The following CSF2RB variants were observed in gnomAD, a reference collection of about 807,000 sequenced individuals.
The protein encoded by CSF2RB is cytokine receptor common subunit beta.
In CSF2RB, 22 loss-of-function variants were observed where a neutral mutation model predicts 67.2. The observed-to-expected ratio is 0.33, with a 90% CI of 0.23 to 0.47. The LOEUF (loss-of-function observed/expected upper bound fraction) is 0.47. Among genes scored for constraint, CSF2RB ranks in the 20% least tolerant of loss-of-function variants. The probability of loss-of-function intolerance (pLI) is 1.00; values close to 1 mark genes in which losing one functional copy is unlikely to be tolerated. For missense variants in CSF2RB, 1,113 were observed against 1,174.5 expected (o/e 0.95, Z 0.76); for synonymous variants, 507 against 482.9 (o/e 1.05, Z -0.65).
Position 36,922,039 on chromosome 22 carries a change from T to C in CSF2RB, c.-169T>C. 1 of 638,762 alleles carries C rather than the reference T, an allele frequency of 1.6e-6. No individual in the cohort carries two copies. Among genetic ancestry groups the C allele is most frequent in the East Asian group, 2.7e-5 (1 of 36,382 alleles). 39.6% of individuals were successfully genotyped at this position (638,762 alleles called of 1,614,324 possible). On this transcript the variant is annotated 5_prime_UTR_variant, in exon 2 of 14. Transcript: ENST00000403662. ...CTGCTGACATCTCCTTCTGCAGGCC[T>C]GGAGGAGGCAGAGGCCAGGAGGGAG...
At chr22:36,931,342 A>G (rs1001255355) in intron 8 of CSF2RB, among the ~76,000 whole-genome samples, 1 of 152,246 alleles carries the variant, frequency 6.6e-6, no homozygotes, top group Non-Finnish European at 1.5e-5. Context: ...ACGTTGTTTC[A>G]TGATGACCAA....
chr22:36,931,898 C>A (rs992968986), intron 8 of CSF2RB, among the ~76,000 whole-genome samples: 21 of 152,186 alleles, frequency 1.4e-4, no homozygotes, highest in Admixed American at 9.2e-4. Flanking sequence ...GTGTGAATGT[C>A]CTGGCCTTTA....
chr22:36,930,689 C>G lies in CSF2RB; in HGVS notation c.871C>G (p.Pro291Ala). Residue 291 changes from proline (P) to alanine (A), a missense_variant, in exon 8 of 14, where the codon CCA (proline) becomes GCA (alanine). Coordinates refer to ENST00000403662, the MANE Select transcript of CSF2RB (RefSeq NM_000395.3). ...GCTCCTCAGGGAGGAAGAGTGCTCC[C>G]CAGTGCTGAGGGAGGGGCTCGGCAG... Reference protein sequence around the residue: ...SPDAGEEECSPVLREGLGSLH... With the variant: ...SPDAGEEECSAVLREGLGSLH... 1 of 1,612,892 alleles carries G rather than the reference C, an allele frequency of 6.2e-7. No homozygotes were observed. The highest frequency in any genetic ancestry group is 8.5e-7 in the Non-Finnish European group (1 of 1,180,030).
intron 2 of CSF2RB, chr22:36,922,654 G>A (rs1940905526): frequency 5.0e-6 from 2 of 402,330 alleles, no homozygotes; most frequent in African/African-American, 2.0e-5. Context: ...GCCTTGGCTG[G>A]GGTTCTCTCC....
At chr22:36,917,877 C>G (rs535546936) in intron 1 of CSF2RB, among the ~76,000 whole-genome samples, 1 of 151,988 alleles carries the variant, frequency 6.6e-6, no homozygotes, top group Non-Finnish European at 1.5e-5. Flanking sequence ...GAGCCGAGAT[C>G]ATGCCATTGC....
chr22:36,939,635 T>G lies in CSF2RB; in HGVS notation c.*1133T>G. ...TAGGTATCTTAGGCATCGATTGGTA[T>G]TTTTTAACTGGGCCAAGCCCATTAA... On this transcript the variant is annotated 3_prime_UTR_variant, in exon 14 of 14. Coordinates refer to ENST00000403662, the MANE Select transcript of CSF2RB (RefSeq NM_000395.3). 1 of 194,138 alleles carries G rather than the reference T, an allele frequency of 5.2e-6. No individual in the cohort carries two copies. The allele number at this position is 194,138 out of a possible 1,614,324, so 12.0% of individuals were successfully genotyped here.
chr22:36,929,096 C>T (rs557559086), intron 4 of CSF2RB, among the ~76,000 whole-genome samples: 2 of 152,188 alleles, frequency 1.3e-5, no homozygotes, highest in Admixed American at 6.5e-5. Context: ...CAGGCCGCAG[C>T]GTGGGCAGTG....
rs929903179 is a variant in CSF2RB, at chr22:36,939,390, T to C, written c.*888T>C. ...AAATGCCCCAAAGGCATATATGCTT[T>C]AGGGCCTTTGGTCCAAATGGCCCGG... On this transcript the variant is annotated 3_prime_UTR_variant, in exon 14 of 14. Transcript: ENST00000403662. The C allele has an allele frequency of 3.1e-6, 2 of 636,696 alleles. No individual in the cohort carries two copies. The highest frequency in any genetic ancestry group is 3.6e-5 in the African/African-American group (2 of 55,024). 39.4% of individuals were successfully genotyped at this position (636,696 alleles called of 1,614,324 possible).
chr22:36,919,149 C>T lies in CSF2RB; in HGVS notation c.-172-2887C>T, dbSNP rs76119353. Among the ~76,000 whole-genome samples the T allele has an allele frequency of 3.3e-3, 496 of 152,272 alleles. 6 individuals are homozygous for T. The South Asian group carries it at 0.05, about 15-fold the overall frequency. On this transcript the variant is annotated intron_variant, in intron 1 of 13. Transcript: ENST00000403662. ...TGTGTAGCAATAAACTCAGCTAAAA[C>T]CTTGGCTTCTGTTGCCAGGAGGAAA... is the stretch of plus-strand genomic sequence containing the variant.
At chr22:36,914,309 G>A (rs188565521) in intron 1 of CSF2RB, among the ~76,000 whole-genome samples, 29 of 152,204 alleles carry the variant, frequency 1.9e-4, no homozygotes, top group African/African-American at 6.0e-4. Context: ...AGCTGGGTGC[G>A]GTGTGGCTTG....
chr22:36,918,644 C>A (rs1196547465), intron 1 of CSF2RB, among the ~76,000 whole-genome samples: 1 of 152,304 alleles, frequency 6.6e-6, no homozygotes, highest in South Asian at 2.1e-4. Context: ...TGAGTGGCCT[C>A]TTGTCTCCTT....
chr22:36,917,463 A>G (rs1940747412), intron 1 of CSF2RB, among the ~76,000 whole-genome samples: 1 of 152,046 alleles, frequency 6.6e-6, no homozygotes, highest in Admixed American at 6.6e-5. Context: ...TAATATGTGC[A>G]TGTTTATTTT....
chr22:36,914,721 C>A (rs902651181), intron 1 of CSF2RB, among the ~76,000 whole-genome samples: 1 of 150,838 alleles, frequency 6.6e-6, no homozygotes, highest in Non-Finnish European at 1.5e-5. Context: ...TAATTTTTTT[C>A]TATCATCTTT....
At chr22:36,923,706 C>A in intron 3 of CSF2RB, 2 of 1,321,102 alleles carry the variant, frequency 1.5e-6, no homozygotes, top group Non-Finnish European at 2.0e-6. Flanking sequence ...GTGAGGTGGG[C>A]AGGGCCAGGC....
At chr22:36,923,509 G>A (rs1940932137) in intron 3 of CSF2RB, 142 bp downstream of exon 3, 10 of 1,350,490 alleles carry the variant, frequency 7.4e-6, no homozygotes, top group Non-Finnish European at 8.1e-6. Flanking sequence ...GGGAGGCCCT[G>A]CAAGAGCTCC....
At chr22:36,935,475 C>T (rs551542020) in intron 11 of CSF2RB, 34 bp downstream of exon 11, 9 of 1,611,246 alleles carry the variant, frequency 5.6e-6, no homozygotes, top group African/African-American at 4.0e-5. Flanking sequence ...AGGTGGCAGC[C>T]GAGACCCCAG....
At chr22:36,924,737 GCCCCTGACAAGGAGGACCACCGCGGCCT>G (rs1940969817) in intron 3 of CSF2RB, among the ~76,000 whole-genome samples, 1 of 152,094 alleles carries the variant, frequency 6.6e-6, no homozygotes, top group Non-Finnish European at 1.5e-5. Context: ...ACCAGGGGCA[GCCCCTGACAAGGAGGACCACCGCGGCCT>G]CCCTGCAGTT....
rs1941271796 is a variant in CSF2RB at position 36,936,596 on chromosome 22, T to C, written c.1512T>C (p.Thr504=). The C allele has an allele frequency of 4.3e-6, 7 of 1,613,504 alleles. No homozygotes were observed. In the Middle Eastern group the frequency reaches 5.1e-4, roughly 119 times the overall value. The change falls in exon 13 of 14, where the codon ACT becomes ACC. Residue 504 remains threonine (T), a synonymous_variant. Coordinates refer to ENST00000403662, the MANE Select transcript of CSF2RB (RefSeq NM_000395.3). The part of the protein sequence containing the change: ...LWPPGSMSAF[T]SGSPPHQGPW... ...CCCCAGGCAGCATGTCGGCCTTCAC[T>C]AGCGGGAGTCCCCCACACCAGGGGC... is the stretch of plus-strand genomic sequence containing the variant.
chr22:36,933,043 C>T (rs1569137418), intron 9 of CSF2RB, 139 bp downstream of exon 9: 3 of 1,031,508 alleles, frequency 2.9e-6, no homozygotes, highest in Non-Finnish European at 4.3e-6. Flanking sequence ...GTGGTGATCA[C>T]TAGGCTGTGT....
Sources: gnomAD v4.1 joint callset for allele counts (sites outside exome capture counted in the v4.1 genomes callset) on GRCh38, gnomAD v4.1.1 for gene constraint, MANE v1.5 for transcripts, NCBI Gene and HGNC (gene_info 2026-07-23, HGNC 2026-07-21) for gene names.